Variants in KCNH7 observed in about 807,000 individuals in gnomAD.
KCNH7 encodes the protein potassium voltage-gated channel subfamily H member 7, also known as voltage-gated inwardly rectifying potassium channel KCNH7.
Under a neutral mutation model 120.8 loss-of-function variants are expected in KCNH7, and 49 were observed. The ratio of observed to expected loss-of-function variants is 0.41; its 90% confidence interval spans 0.32 to 0.51. The LOEUF is 0.51. Ranked by LOEUF, KCNH7 falls within the 20% of genes least tolerant of loss-of-function variation. The pLI, the probability that KCNH7 is intolerant of heterozygous loss-of-function variation, is 0.38. For missense variants in KCNH7, 1,097 were observed against 1,446.6 expected, an observed-to-expected ratio of 0.76 and a Z score of 3.92; for synonymous variants, 547 against 516.1, an observed-to-expected ratio of 1.06 and a Z score of -0.81.
At chr2:162,640,555 A>C (rs986658173) in intron 2 of KCNH7, among the ~76,000 whole-genome samples, 2 of 152,130 alleles carry the variant, frequency 1.3e-5, no homozygotes, top group Non-Finnish European at 2.9e-5. Context: ...AACTAACTCA[A>C]AATGTATCAC....
chr2:162,676,763 C>T (rs1685542678), intron 2 of KCNH7, among the ~76,000 whole-genome samples: 1 of 151,374 alleles, frequency 6.6e-6, no homozygotes, highest in Admixed American at 6.6e-5. Flanking sequence ...AAAATGAAGT[C>T]CCCCAGTGTA....
chr2:162,409,340 C>A (rs1044782987), intron 9 of KCNH7, among the ~76,000 whole-genome samples: 1 of 151,652 alleles, frequency 6.6e-6, no homozygotes, highest in African/African-American at 2.4e-5. Flanking sequence ...CACATGAATT[C>A]TTGATAAAAT....
At chr2:162,701,624 TA>T (rs1231590732) in intron 2 of KCNH7, among the ~76,000 whole-genome samples, 2 of 152,174 alleles carry the variant, frequency 1.3e-5, no homozygotes, top group Non-Finnish European at 2.9e-5. Flanking sequence ...CTTAACACCT[TA>T]AAATACTTCT....
intron 6 of KCNH7, among the ~76,000 whole-genome samples, chr2:162,469,806 G>T (rs368925476): frequency 6.6e-5 from 10 of 151,922 alleles, no homozygotes; most frequent in South Asian, 2.1e-4. Context: ...CAAACTCCCT[G>T]CCTGATTCTC....
At chr2:162,466,091 G>T (rs1689295424) in intron 6 of KCNH7, among the ~76,000 whole-genome samples, 1 of 152,140 alleles carries the variant, frequency 6.6e-6, no homozygotes, top group South Asian at 2.1e-4. Context: ...ATTGATAGCT[G>T]TGTTGCAAAT....
chr2:162,791,729 G>C (rs2098612790), intron 2 of KCNH7, among the ~76,000 whole-genome samples: 1 of 152,118 alleles, frequency 6.6e-6, no homozygotes, highest in African/African-American at 2.4e-5. Context: ...TCTGCAAAGA[G>C]GGATAGTTTG....
At chr2:162,414,336 T>C (rs1417339607) in intron 9 of KCNH7, among the ~76,000 whole-genome samples, 1 of 151,926 alleles carries the variant, frequency 6.6e-6, no homozygotes, top group Non-Finnish European at 1.5e-5. Context: ...TTGTTTGAAG[T>C]GGCATGAAAT....
At chr2:162,794,456 A>G (rs970380017) in intron 2 of KCNH7, among the ~76,000 whole-genome samples, 3 of 152,044 alleles carry the variant, frequency 2.0e-5, no homozygotes, top group African/African-American at 7.2e-5. Flanking sequence ...TGGGCTAGAA[A>G]AAGATGCTAA....
intron 2 of KCNH7, among the ~76,000 whole-genome samples, chr2:162,719,373 T>C (rs1256673568): frequency 6.6e-6 from 1 of 152,098 alleles, no homozygotes; most frequent in Non-Finnish European, 1.5e-5. Flanking sequence ...TTTTTTCATT[T>C]GTTTATTCTT....
intron 2 of KCNH7, among the ~76,000 whole-genome samples, chr2:162,751,047 A>T (rs1033906686): frequency 9.9e-6 from 1 of 101,372 alleles, no homozygotes; most frequent in African/African-American, 8.5e-5. Context: ...ACAACCGACT[A>T]TTTCCTGAGC....
chr2:162,397,412 G>A (rs1686945739), intron 10 of KCNH7, among the ~76,000 whole-genome samples: 1 of 151,618 alleles, frequency 6.6e-6, no homozygotes, highest in African/African-American at 2.4e-5. Context: ...TGGATTGGAG[G>A]AACAATTGGA....
intron 2 of KCNH7, among the ~76,000 whole-genome samples, chr2:162,830,600 G>A (rs1685445105): frequency 6.6e-6 from 1 of 152,102 alleles, no homozygotes; most frequent in Admixed American, 6.5e-5. Context: ...ACCTATAATG[G>A]TTTGAATGTA....
At chr2:162,615,176 C>T (rs1683103003) in intron 2 of KCNH7, among the ~76,000 whole-genome samples, 3 of 152,060 alleles carry the variant, frequency 2.0e-5, no homozygotes, top group Admixed American at 1.3e-4. Flanking sequence ...TACCTCTGCA[C>T]GAAGTGTTTT....
chr2:162,732,821 G>T (rs1184418408), intron 2 of KCNH7, among the ~76,000 whole-genome samples: 3 of 152,172 alleles, frequency 2.0e-5, no homozygotes, highest in African/African-American at 7.2e-5. Flanking sequence ...GCTGATTCAG[G>T]AAAGTGTGGG....
intron 3 of KCNH7, among the ~76,000 whole-genome samples, chr2:162,523,119 A>T (rs1184095621): frequency 6.6e-6 from 1 of 151,926 alleles, no homozygotes; most frequent in East Asian, 2.0e-4. Flanking sequence ...AGCACAAAAC[A>T]GCAGTTTCCG....
chr2:162,688,124 C>T (rs1037970835), intron 2 of KCNH7, among the ~76,000 whole-genome samples: 2 of 152,164 alleles, frequency 1.3e-5, no homozygotes, highest in African/African-American at 4.8e-5. Flanking sequence ...CTATTTAAGA[C>T]ACTCCATTTA....
At chr2:162,685,506 T>C (rs1350959255) in intron 2 of KCNH7, among the ~76,000 whole-genome samples, 1 of 152,076 alleles carries the variant, frequency 6.6e-6, no homozygotes. Context: ...GATGACTTGT[T>C]ACACATGCTC....
At position 162,391,982 on chromosome 2, in the gene KCNH7, A is replaced by G. The variant is rs1469211399; in HGVS notation, c.2710+2407T>C. The stretch of plus-strand genomic sequence containing the variant: ...ATTATCAACTATCTATGAGTAGTCT[A>G]TTGTTCTACAGTCAGCCAGAGGAAT... On this transcript the variant is annotated intron_variant, in intron 12 of 15. Transcript: ENST00000332142. Among the ~76,000 whole-genome samples the G allele has an allele frequency of 2.0e-5, 3 of 152,150 alleles. 1 individual carries two copies. Among genetic ancestry groups the G allele is most frequent in the South Asian group, 4.1e-4 (2 of 4,832 alleles).
At chr2:162,653,083 T>C (rs1361903373) in intron 2 of KCNH7, among the ~76,000 whole-genome samples, 2 of 152,176 alleles carry the variant, frequency 1.3e-5, no homozygotes, top group African/African-American at 2.4e-5. Flanking sequence ...GGGAAAAGCC[T>C]AACTAAGCTC....
Sources: gnomAD v4.1 joint callset for allele counts (sites outside exome capture counted in the v4.1 genomes callset) on GRCh38, gnomAD v4.1.1 for gene constraint, MANE v1.5 for transcripts, NCBI Gene and HGNC (gene_info 2026-07-23, HGNC 2026-07-21) for gene names.